The following SHISA9 variants were observed in gnomAD, a reference collection of about 807,000 sequenced individuals.
The protein encoded by SHISA9 is protein shisa-9.
Under a neutral mutation model 38.0 loss-of-function variants are expected in SHISA9, and 13 were observed. That is an observed-to-expected ratio of 0.34 (90% CI 0.22 to 0.54). The LOEUF (loss-of-function observed/expected upper bound fraction) is 0.54, where lower values mean the gene tolerates loss of function less well. SHISA9 is among the 20% of genes least tolerant of loss of function. The pLI, the probability that SHISA9 is intolerant of heterozygous loss-of-function variation, is 0.91. For synonymous variants in SHISA9, 275 were observed against 242.0 expected (o/e 1.14, Z -1.27); for missense variants, 538 against 575.8 (o/e 0.93, Z 0.67).
At chr16:13,450,687 C>G in the SHISA9 span, among the ~76,000 whole-genome samples, 21 of 152,324 alleles carry the variant, frequency 1.4e-4, no homozygotes, top group Admixed American at 1.0e-3. Flanking sequence ...AAACTGCAGA[C>G]TCAGAGAAGG....
the SHISA9 span, among the ~76,000 whole-genome samples, chr16:13,309,383 C>T: frequency 6.6e-6 from 1 of 152,084 alleles, no homozygotes; most frequent in Admixed American, 6.5e-5. Flanking sequence ...TGACTCACAC[C>T]TGTAATCCCA....
At chr16:12,946,916 G>A (rs537223449) in intron 2 of SHISA9, among the ~76,000 whole-genome samples, 3 of 152,354 alleles carry the variant, frequency 2.0e-5, no homozygotes, top group Admixed American at 6.5e-5. Flanking sequence ...ACACAGACAC[G>A]CTCATTTTTT....
At chr16:12,998,075 C>G (rs558682460) in intron 2 of SHISA9, among the ~76,000 whole-genome samples, 1 of 152,144 alleles carries the variant, frequency 6.6e-6, no homozygotes, top group African/African-American at 2.4e-5. Flanking sequence ...GTACATAAGA[C>G]AAAGTAATGC....
intron 1 of SHISA9, chr16:12,910,995 A>G (rs528441156): frequency 6.8e-5 from 11 of 161,472 alleles, no homozygotes; most frequent in African/African-American, 1.2e-4. Flanking sequence ...ACTGATTTCA[A>G]TGTTAATCTA....
the SHISA9 span, among the ~76,000 whole-genome samples, chr16:13,366,002 C>T: frequency 6.6e-6 from 1 of 152,162 alleles, no homozygotes; most frequent in African/African-American, 2.4e-5. Flanking sequence ...CTGCTGAAGC[C>T]TTCTAGTTTG....
At chr16:13,544,046 G>T in the SHISA9 span, among the ~76,000 whole-genome samples, 1 of 152,108 alleles carries the variant, frequency 6.6e-6, no homozygotes, top group Non-Finnish European at 1.5e-5. Flanking sequence ...CCATGGACAT[G>T]AAAGTGTTAA....
chr16:13,117,909 T>A (rs1424133195), intron 2 of SHISA9, among the ~76,000 whole-genome samples: 1 of 151,986 alleles, frequency 6.6e-6, no homozygotes, highest in Non-Finnish European at 1.5e-5. Context: ...CAGCCTGGTG[T>A]GATGGCTCAC....
At chr16:13,143,765 A>C (rs1464510871) in intron 2 of SHISA9, among the ~76,000 whole-genome samples, 1 of 152,250 alleles carries the variant, frequency 6.6e-6, no homozygotes, top group African/African-American at 2.4e-5. Flanking sequence ...TACCATTGGC[A>C]ATGCTTGAGC....
At chr16:13,267,731 T>C in the SHISA9 span, among the ~76,000 whole-genome samples, 3 of 152,194 alleles carry the variant, frequency 2.0e-5, no homozygotes, top group East Asian at 5.8e-4. Flanking sequence ...CTGAATCTAT[T>C]CTCTGCTCCA....
At chr16:13,135,984 C>T (rs1399323960) in intron 2 of SHISA9, among the ~76,000 whole-genome samples, 1 of 152,130 alleles carries the variant, frequency 6.6e-6, no homozygotes, top group Non-Finnish European at 1.5e-5. Flanking sequence ...GAGTTCTGGG[C>T]CAGGAATAGC....
rs1396165358 is a variant in SHISA9 at position 13,070,153 on chromosome 16, TGCAC to T, written c.692-133237_692-133234del. ...GTGTGTGTGTGTGTGTGTGTGTGTGTGCACGCATGTGTCTGTGGAAACTGCCAAA... is the reference window on the plus strand; with the variant it reads ...GTGTGTGTGTGTGTGTGTGTGTGTGTGCATGTGTCTGTGGAAACTGCCAAA... On this transcript the variant is annotated intron_variant, in intron 2 of 4. Coordinates refer to ENST00000558583, the MANE Select transcript of SHISA9 (RefSeq NM_001145204.3). Among the ~76,000 whole-genome samples the T allele has an allele frequency of 4.3e-4, 61 of 141,184 alleles. 1 individual carries two copies. Among genetic ancestry groups the T allele is most frequent in the African/African-American group, 1.6e-3 (59 of 36,586 alleles). 92.6% of individuals were successfully genotyped at this position (141,184 alleles called of 152,430 possible).
the SHISA9 span, among the ~76,000 whole-genome samples, chr16:13,511,214 G>A: frequency 6.6e-6 from 1 of 152,242 alleles, no homozygotes; most frequent in Admixed American, 6.5e-5. Context: ...AAATTCTTTG[G>A]GGAAATTAGT....
the SHISA9 span, among the ~76,000 whole-genome samples, chr16:13,466,156 G>C: frequency 6.6e-6 from 1 of 152,196 alleles, no homozygotes; most frequent in South Asian, 2.1e-4. Flanking sequence ...AGTTCCAGAA[G>C]GAGAAATGCT....
chr16:13,505,596 C>T, the SHISA9 span, among the ~76,000 whole-genome samples: 5 of 152,220 alleles, frequency 3.3e-5, no homozygotes, highest in Admixed American at 2.6e-4. Context: ...TGGAGTGGTT[C>T]ACAGTCTACA....
chr16:13,136,714 A>G (rs951392921), intron 2 of SHISA9, among the ~76,000 whole-genome samples: 2 of 152,068 alleles, frequency 1.3e-5, no homozygotes, highest in African/African-American at 2.4e-5. Flanking sequence ...TCCTTCCTTA[A>G]TAGGTAGTCT....
chr16:13,019,937 TTCTTTCTTTCTTTCTTTCTTTCCC>T (rs1567184204), intron 2 of SHISA9, among the ~76,000 whole-genome samples: 20 of 89,124 alleles, frequency 2.2e-4, no homozygotes, highest in South Asian at 3.9e-4. Context: ...CTTTCTTTCT[TTCTTTCTTTCTTTCTTTCTTTCCC>T]TCCTTCTTTC....
At chr16:13,088,765 A>G (rs529398186) in intron 2 of SHISA9, among the ~76,000 whole-genome samples, 11 of 152,336 alleles carry the variant, frequency 7.2e-5, no homozygotes, top group South Asian at 2.1e-4. Flanking sequence ...AACAGGGACA[A>G]TTTGACTTCT....
chr16:13,529,409 G>A, the SHISA9 span, among the ~76,000 whole-genome samples: 1 of 152,124 alleles, frequency 6.6e-6, no homozygotes, highest in African/African-American at 2.4e-5. Flanking sequence ...TTAATCATTT[G>A]CAAATTAAAG....
chr16:13,023,782 A>AT lies in SHISA9; in HGVS notation c.691+106973dup, dbSNP rs1240169200. On this transcript the variant is annotated intron_variant, in intron 2 of 4. Transcript: ENST00000558583. Reference sequence around the variant, plus strand: ...TCTCTGATGACCAGTGATGATGTGCATTTTTTCGTGTGTCTGTTGGCTCCA... The same window carrying AT: ...TCTCTGATGACCAGTGATGATGTGCATTTTTTTCGTGTGTCTGTTGGCTCCA... Among the ~76,000 whole-genome samples the AT allele has an allele frequency of 5.3e-5, 8 of 152,016 alleles. No homozygotes were observed. The East Asian group carries it at 1.5e-3, about 29-fold the overall frequency.
Sources: gnomAD v4.1 joint callset for allele counts (sites outside exome capture counted in the v4.1 genomes callset) on GRCh38, gnomAD v4.1.1 for gene constraint, MANE v1.5 for transcripts, NCBI Gene and HGNC (gene_info 2026-07-23, HGNC 2026-07-21) for gene names.